Variants in GABBR2 observed in about 807,000 individuals in gnomAD.
GABBR2 encodes G-protein coupled receptor 51.
A neutral mutation model predicts 105.6 loss-of-function variants in GABBR2; 23 were observed. The observed-to-expected ratio is 0.22, with a 90% CI of 0.16 to 0.31. The LOEUF (loss-of-function observed/expected upper bound fraction) is 0.31, where lower values mean the gene tolerates loss of function less well. Ranked by LOEUF, GABBR2 falls within the 10% of genes least tolerant of loss-of-function variation. GABBR2 has a pLI of 1.00. For synonymous variants in GABBR2, 478 were observed against 499.7 expected (o/e 0.96, Z 0.58); for missense variants, 734 against 1,245.5 (o/e 0.59, Z 6.18).
chr9:98,572,545 A>G (rs932348148), intron 2 of GABBR2, among the ~76,000 whole-genome samples: 5 of 152,168 alleles, frequency 3.3e-5, no homozygotes, highest in Non-Finnish European at 7.4e-5. Context: ...TCCCTTGGGC[A>G]CCTGTAGACC....
At chr9:98,304,001 C>T (rs543983066) in intron 15 of GABBR2, among the ~76,000 whole-genome samples, 6 of 152,328 alleles carry the variant, frequency 3.9e-5, no homozygotes, top group Admixed American at 2.0e-4. Context: ...AAAAAGTTGC[C>T]ACTTGACCCT....
chr9:98,432,400 G>C (rs1381334859), intron 7 of GABBR2, among the ~76,000 whole-genome samples: 1 of 152,186 alleles, frequency 6.6e-6, no homozygotes, highest in Non-Finnish European at 1.5e-5. Context: ...ATATCTCTCT[G>C]TAGAAACACG....
chr9:98,525,109 T>C (rs1214373515), intron 3 of GABBR2, among the ~76,000 whole-genome samples: 1 of 152,094 alleles, frequency 6.6e-6, no homozygotes, highest in African/African-American at 2.4e-5. Context: ...TAGACAATGG[T>C]CTCTTAAATA....
At chr9:98,610,012 G>A (rs1829482059) in intron 1 of GABBR2, among the ~76,000 whole-genome samples, 2 of 152,204 alleles carry the variant, frequency 1.3e-5, no homozygotes, top group Admixed American at 6.5e-5. Flanking sequence ...ACAGAAGCAC[G>A]TGGATGTCAG....
At chr9:98,301,279 C>A (rs890052856) in intron 16 of GABBR2, among the ~76,000 whole-genome samples, 1 of 152,150 alleles carries the variant, frequency 6.6e-6, no homozygotes, top group Non-Finnish European at 1.5e-5. Flanking sequence ...CCTGTGGGAT[C>A]TGAAGCTATC....
chr9:98,667,703 T>C (rs1174624772), intron 1 of GABBR2, among the ~76,000 whole-genome samples: 1 of 152,172 alleles, frequency 6.6e-6, no homozygotes, highest in Admixed American at 6.5e-5. Flanking sequence ...ACAGGTACTG[T>C]TGTGGAGAAT....
At chr9:98,562,257 TA>T (rs1250243708) in intron 2 of GABBR2, among the ~76,000 whole-genome samples, 1 of 152,098 alleles carries the variant, frequency 6.6e-6, no homozygotes, top group Non-Finnish European at 1.5e-5. Context: ...GGACATTTTA[TA>T]AAACAACTGG....
At chr9:98,317,753 T>A (rs1240630865) in intron 13 of GABBR2, among the ~76,000 whole-genome samples, 1 of 152,206 alleles carries the variant, frequency 6.6e-6, no homozygotes, top group Non-Finnish European at 1.5e-5. Flanking sequence ...ACAGGATGAA[T>A]GAGACCAACA....
chr9:98,617,368 C>T (rs537296730), intron 1 of GABBR2, among the ~76,000 whole-genome samples: 2 of 152,208 alleles, frequency 1.3e-5, no homozygotes, highest in South Asian at 4.2e-4. Flanking sequence ...GGGAGAGAAT[C>T]CTAAAAGGAG....
chr9:98,423,487 T>C (rs2131558446), intron 7 of GABBR2, among the ~76,000 whole-genome samples: 1 of 152,360 alleles, frequency 6.6e-6, no homozygotes, highest in African/African-American at 2.4e-5. Flanking sequence ...TTGAGTTCAT[T>C]GTAGATTCTG....
chr9:98,384,016 A>C (rs1832027226), intron 11 of GABBR2, among the ~76,000 whole-genome samples: 1 of 152,196 alleles, frequency 6.6e-6, no homozygotes, highest in African/African-American at 2.4e-5. Flanking sequence ...GCTGCTTTGC[A>C]AAAAAGGGCC....
intron 13 of GABBR2, among the ~76,000 whole-genome samples, chr9:98,314,323 T>A (rs1274119395): frequency 6.6e-6 from 1 of 152,194 alleles, no homozygotes; most frequent in Admixed American, 6.5e-5. Flanking sequence ...ACTGACTTAG[T>A]GGCAGAATCT....
intron 2 of GABBR2, among the ~76,000 whole-genome samples, chr9:98,558,504 A>G (rs1828620811): frequency 6.6e-6 from 1 of 152,234 alleles, no homozygotes; most frequent in South Asian, 2.1e-4. Context: ...TTTTATACAC[A>G]GAGGACCAGA....
rs1828311185 is a variant in GABBR2 at position 98,541,921 on chromosome 9, C to T, written c.582G>A (p.Gln194=). ...PAILKLLKHY[Q]WKRVGTLTQD... is the part of the protein sequence containing the mutation. Reference sequence around the variant, plus strand: ...GCGTCAGCGTGCCCACGCGCTTCCACTGGTAGTGCTTGAGCAACTTCAGAA... The same window carrying T: ...GCGTCAGCGTGCCCACGCGCTTCCATTGGTAGTGCTTGAGCAACTTCAGAA... Residue 194 remains glutamine, a synonymous_variant, in exon 3 of 19, where the codon CAG becomes CAA. Coordinates refer to ENST00000259455, the MANE Select transcript of GABBR2 (RefSeq NM_005458.8). 6.2e-7 allele frequency: 1 copy of T among 1,614,124 alleles called. No individual in the cohort carries two copies. The highest frequency in any genetic ancestry group is 1.3e-5 in the African/African-American group (1 of 74,952).
At chr9:98,616,093 G>C (rs1265114763) in intron 1 of GABBR2, among the ~76,000 whole-genome samples, 1 of 152,214 alleles carries the variant, frequency 6.6e-6, no homozygotes, top group Non-Finnish European at 1.5e-5. Context: ...GATTCAGAGA[G>C]GTTAAATGAC....
intron 13 of GABBR2, among the ~76,000 whole-genome samples, chr9:98,359,454 A>C (rs984997803): frequency 2.0e-5 from 3 of 152,146 alleles, no homozygotes; most frequent in Non-Finnish European, 4.4e-5. Context: ...AAAATAAAAT[A>C]AATCGATCAA....
At chr9:98,624,854 G>T (rs1829713896) in intron 1 of GABBR2, among the ~76,000 whole-genome samples, 1 of 152,182 alleles carries the variant, frequency 6.6e-6, no homozygotes. Flanking sequence ...AATTTACTGT[G>T]GGACCTTGAG....
At chr9:98,449,161 C>G (rs1826188907) in intron 7 of GABBR2, among the ~76,000 whole-genome samples, 1 of 152,178 alleles carries the variant, frequency 6.6e-6, no homozygotes, top group Non-Finnish European at 1.5e-5. Flanking sequence ...GGAGGGTTCC[C>G]CACAGGGTGG....
At chr9:98,550,551 T>C (rs1828470656) in intron 2 of GABBR2, among the ~76,000 whole-genome samples, 3 of 152,148 alleles carry the variant, frequency 2.0e-5, no homozygotes, top group Admixed American at 6.5e-5. Context: ...TCAGAAATGA[T>C]ACAAGCCCCT....
Sources: gnomAD v4.1 joint callset for allele counts (sites outside exome capture counted in the v4.1 genomes callset) on GRCh38, gnomAD v4.1.1 for gene constraint, MANE v1.5 for transcripts, NCBI Gene and HGNC (gene_info 2026-07-23, HGNC 2026-07-21) for gene names.